Variants in DMD observed in about 807,000 individuals in gnomAD.
DMD encodes dystrophin, also known as mutant dystrophin.
DMD carries 63 observed loss-of-function variants against 330.1 expected under a neutral mutation model. The ratio of observed to expected loss-of-function variants is 0.19; its 90% CI spans 0.16 to 0.24. DMD has a LOEUF of 0.24. DMD is among the 10% of genes least tolerant of loss of function. DMD has a pLI of 1.00. For synonymous variants in DMD, 1,223 were observed against 959.8 expected (o/e 1.27, Z -5.07); for missense variants, 3,344 against 2,684.1 (o/e 1.25, Z -5.43).
chrX:31,310,213 A>T (rs2055386802), intron 62 of DMD, among the ~76,000 whole-genome samples: 1 of 107,337 alleles, frequency 9.3e-6, no homozygotes, highest in African/African-American at 3.4e-5. Context: ...CTCCATATAT[A>T]TATATATATA....
intron 2 of DMD, among the ~76,000 whole-genome samples, chrX:32,948,208 G>T (rs112370565): frequency 2.7e-5 from 3 of 109,636 alleles, no homozygotes; most frequent in African/African-American, 9.9e-5. Context: ...CCTTGGGAAA[G>T]AAACTCTCTA....
chrX:32,163,402 A>G (rs1355192051), intron 44 of DMD, among the ~76,000 whole-genome samples: 1 of 112,077 alleles, frequency 8.9e-6, no homozygotes. Flanking sequence ...TCTTTCCCCA[A>G]ATGAGTTTAC....
chrX:32,689,058 A>G (rs955023876), intron 9 of DMD, among the ~76,000 whole-genome samples: 1 of 111,443 alleles, frequency 9.0e-6, no homozygotes, highest in Non-Finnish European at 1.9e-5. Context: ...AATGTAAATT[A>G]CATGCTAGGC....
intron 54 of DMD, among the ~76,000 whole-genome samples, chrX:31,632,692 A>C (rs938579140): frequency 8.9e-6 from 1 of 112,017 alleles, no homozygotes; most frequent in Admixed American, 9.5e-5. Flanking sequence ...TGTAAGATCA[A>C]AATGATTCTT....
At chrX:31,596,897 G>A (rs907941570) in intron 55 of DMD, among the ~76,000 whole-genome samples, 2 of 112,139 alleles carry the variant, frequency 1.8e-5, no homozygotes, top group Non-Finnish European at 3.8e-5. Context: ...CAGCATCTCT[G>A]GGGTTGGGGC....
intron 7 of DMD, among the ~76,000 whole-genome samples, chrX:32,735,329 G>A (rs1248569992): frequency 9.1e-6 from 1 of 110,397 alleles, no homozygotes; most frequent in African/African-American, 3.3e-5. Flanking sequence ...TCGTGAAAAT[G>A]GCCATACTGC....
At chrX:32,171,886 T>C (rs2147356543) in intron 44 of DMD, among the ~76,000 whole-genome samples, 1 of 111,544 alleles carries the variant, frequency 9.0e-6, no homozygotes, top group Admixed American at 9.6e-5. Context: ...ATTGATCTTA[T>C]CAATGCTACT....
intron 55 of DMD, among the ~76,000 whole-genome samples, chrX:31,579,495 C>T (rs1355273874): frequency 8.9e-6 from 1 of 112,156 alleles, no homozygotes; most frequent in Non-Finnish European, 1.9e-5. Flanking sequence ...ATCGCTGTTT[C>T]CCAAAATGTG....
chrX:32,403,722 A>C (rs2098100731), intron 30 of DMD, among the ~76,000 whole-genome samples: 1 of 112,164 alleles, frequency 8.9e-6, no homozygotes, highest in South Asian at 3.6e-4. Context: ...AACAGATTCA[A>C]AATTAAATGC....
chrX:31,611,177 A>AC (rs2077895901), intron 55 of DMD, among the ~76,000 whole-genome samples: 1 of 109,892 alleles, frequency 9.1e-6, no homozygotes, highest in Non-Finnish European at 1.9e-5. Flanking sequence ...AGAACTACCT[A>AC]GGGGCTCTTT....
rs1470773926 is a variant in DMD at position 32,720,918 on chromosome X, G to A, written c.650-21625C>T. Reference sequence around the variant, plus strand: ...TGGTAATCACCATTCTACTGTCTATGTATTCAACTTATACATTTTCTTCAG... The same window carrying A: ...TGGTAATCACCATTCTACTGTCTATATATTCAACTTATACATTTTCTTCAG... On this transcript the variant is annotated intron_variant, in intron 7 of 78. Transcript: ENST00000357033. Among the ~76,000 whole-genome samples, 8 of 111,432 alleles carry A rather than the reference G, an allele frequency of 7.2e-5. 2 individuals carry two copies. Among genetic ancestry groups the A allele is most frequent in the Admixed American group, 5.7e-4 (6 of 10,473 alleles).
chrX:32,640,921 A>T (rs780290426), intron 11 of DMD, among the ~76,000 whole-genome samples: 3 of 111,113 alleles, frequency 2.7e-5, no homozygotes, highest in African/African-American at 9.8e-5. Flanking sequence ...TCTCCTACCT[A>T]TATTTCAACC....
chrX:32,578,682 C>A (rs1226424601), intron 13 of DMD, among the ~76,000 whole-genome samples: 1 of 111,605 alleles, frequency 9.0e-6, no homozygotes, highest in Non-Finnish European at 1.9e-5. Flanking sequence ...AGTATGGTGA[C>A]CCTTGAATTT....
chrX:32,971,782 C>T lies in DMD; in HGVS notation c.93+48357G>A, dbSNP rs754912439. Among the ~76,000 whole-genome samples, 10 of 110,296 alleles carry T rather than the reference C, an allele frequency of 9.1e-5. No individual in the cohort carries two copies. In the South Asian group the frequency reaches 3.9e-3, roughly 43 times the overall value. ...ACACACACATATATATATATGTGTG[C>T]ACACATCCATATATATTTAACTTTA... On this transcript the variant is annotated intron_variant, in intron 2 of 78. Transcript: ENST00000357033.
At chrX:32,047,179 T>G (rs2096070361) in intron 44 of DMD, among the ~76,000 whole-genome samples, 1 of 111,694 alleles carries the variant, frequency 9.0e-6, no homozygotes, top group African/African-American at 3.2e-5. Flanking sequence ...TGTTTCTTCT[T>G]AAATACTTCT....
intron 1 of DMD, among the ~76,000 whole-genome samples, chrX:33,330,573 C>G (rs1451373844): frequency 1.8e-5 from 2 of 111,330 alleles, no homozygotes; most frequent in Non-Finnish European, 3.8e-5. Context: ...CATAAACTAC[C>G]AATGGGAGGT....
At chrX:32,805,730 G>A (rs2076902199) in intron 7 of DMD, among the ~76,000 whole-genome samples, 2 of 112,185 alleles carry the variant, frequency 1.8e-5, no homozygotes, top group Admixed American at 1.9e-4. Flanking sequence ...CAGACTAACA[G>A]CAGATCTTTC....
chrX:32,364,909 A>C, intron 35 of DMD, 111 bp downstream of exon 35: 1 of 852,183 alleles, frequency 1.2e-6, no homozygotes, highest in Non-Finnish European at 1.7e-6. Context: ...ATTAAGAGCC[A>C]GCATATACGT....
chrX:32,501,418 A>G (rs1342427594), intron 19 of DMD, among the ~76,000 whole-genome samples: 2 of 112,048 alleles, frequency 1.8e-5, no homozygotes, highest in Non-Finnish European at 1.9e-5. Flanking sequence ...TCAGTTTTAC[A>G]CATATAACAT....
Sources: gnomAD v4.1 joint callset for allele counts (sites outside exome capture counted in the v4.1 genomes callset) on GRCh38, gnomAD v4.1.1 for gene constraint, MANE v1.5 for transcripts, NCBI Gene and HGNC (gene_info 2026-07-23, HGNC 2026-07-21) for gene names.